CAMTA1: variants seen among roughly 807,000 people sequenced by gnomAD.
The protein encoded by CAMTA1 is calmodulin binding transcription activator 1.
CAMTA1 carries 27 observed loss-of-function variants against 170.9 expected under a neutral mutation model. The ratio of observed to expected loss-of-function variants is 0.16; its 90% CI spans 0.12 to 0.22. The LOEUF is 0.22. Ranked by LOEUF, CAMTA1 falls within the 10% of genes least tolerant of loss-of-function variation. The probability of loss-of-function intolerance (pLI) is 1.00; values close to 1 mark genes in which losing one functional copy is unlikely to be tolerated. For missense variants in CAMTA1, 1,619 were observed against 2,217.2 expected (o/e 0.73, Z 5.42); for synonymous variants, 833 against 891.5 (o/e 0.93, Z 1.17).
chr1:6,994,881 T>C lies in CAMTA1; in HGVS notation c.235-96423T>C, dbSNP rs117074266. Among the ~76,000 whole-genome samples the C allele has an allele frequency of 1.9e-3, 286 of 152,302 alleles. 9 individuals carry two copies. The East Asian group carries it at 0.05, about 27-fold the overall frequency. On this transcript the variant is annotated intron_variant, in intron 3 of 22. Coordinates refer to ENST00000303635, the MANE Select transcript of CAMTA1 (RefSeq NM_015215.4). ...CAGAGTTTCGCCATGTTGGTCAGGC[T>C]GGTCTAAAACTCCTGGGCACAAGTG...
intron 3 of CAMTA1, among the ~76,000 whole-genome samples, chr1:6,942,171 A>G (rs1165685180): frequency 6.6e-6 from 1 of 151,830 alleles, no homozygotes; most frequent in Non-Finnish European, 1.5e-5. Flanking sequence ...TAATTGGCCT[A>G]TACAATACAC....
At chr1:7,016,867 G>A (rs1412503672) in intron 3 of CAMTA1, among the ~76,000 whole-genome samples, 1 of 151,988 alleles carries the variant, frequency 6.6e-6, no homozygotes, top group Non-Finnish European at 1.5e-5. Flanking sequence ...AGAAAAAAAA[G>A]ATTCATTGCC....
intron 3 of CAMTA1, among the ~76,000 whole-genome samples, chr1:6,907,758 G>A (rs1316279428): frequency 6.6e-6 from 1 of 152,142 alleles, no homozygotes; most frequent in East Asian, 1.9e-4. Flanking sequence ...GTGGGCATGT[G>A]CCCCGTGACT....
intron 3 of CAMTA1, among the ~76,000 whole-genome samples, chr1:6,852,513 C>A (rs1334285847): frequency 6.6e-6 from 1 of 152,192 alleles, no homozygotes; most frequent in African/African-American, 2.4e-5. Context: ...TTCCTATAAC[C>A]CCCTCCTCAG....
intron 3 of CAMTA1, among the ~76,000 whole-genome samples, chr1:7,016,359 C>T (rs1700537463): frequency 6.6e-6 from 1 of 152,156 alleles, no homozygotes; most frequent in Admixed American, 6.5e-5. Flanking sequence ...GAGGCAAGGG[C>T]AGCATGTGGT....
chr1:7,482,469 G>A lies in CAMTA1; in HGVS notation c.510+14568G>A, dbSNP rs760219275. On this transcript the variant is annotated intron_variant, in intron 6 of 22. Coordinates refer to ENST00000303635, the MANE Select transcript of CAMTA1 (RefSeq NM_015215.4). This position sits in a 1 kb window ranked among gnomAD's most constrained non-coding sequence, Gnocchi z 4.2. ...TCGGTAAAGACACCAGAATGGATGCGCTCTCCACGCAGTGTGTCCCCACCT... is the reference window on the plus strand; with the variant it reads ...TCGGTAAAGACACCAGAATGGATGCACTCTCCACGCAGTGTGTCCCCACCT... 4.6e-5 allele frequency among the ~76,000 whole-genome samples: 7 copies of A among 152,154 alleles called. No homozygotes were observed. Among genetic ancestry groups the A allele is most frequent in the Non-Finnish European group, 7.4e-5 (5 of 68,018 alleles).
chr1:7,412,285 G>A (rs1031576565), intron 5 of CAMTA1, among the ~76,000 whole-genome samples: 6 of 151,880 alleles, frequency 4.0e-5, no homozygotes, highest in African/African-American at 1.5e-4. Flanking sequence ...GTAATGGGAT[G>A]GCTGGGTCAA....
intron 11 of CAMTA1, among the ~76,000 whole-genome samples, chr1:7,691,747 CGA>C (rs144597291): frequency 7.3e-5 from 11 of 150,940 alleles, no homozygotes; most frequent in Admixed American, 2.6e-4. Flanking sequence ...GACAAGAGAG[CGA>C]GAGAGAGAGA....
intron 5 of CAMTA1, among the ~76,000 whole-genome samples, chr1:7,422,170 G>GC (rs1465407625): frequency 3.3e-5 from 5 of 152,148 alleles, no homozygotes; most frequent in Non-Finnish European, 7.4e-5. Flanking sequence ...CTGTGCAGGG[G>GC]CCTGTGCTGT....
chr1:6,939,767 C>T (rs543393242), intron 3 of CAMTA1, among the ~76,000 whole-genome samples: 20 of 152,370 alleles, frequency 1.3e-4, no homozygotes, highest in Admixed American at 2.6e-4. Context: ...TTCGTCACGG[C>T]GCAGGGCTCT....
chr1:6,873,579 G>C (rs1669003936), intron 3 of CAMTA1, among the ~76,000 whole-genome samples: 1 of 152,216 alleles, frequency 6.6e-6, no homozygotes, highest in Non-Finnish European at 1.5e-5. Context: ...CTTTGAGGTA[G>C]ACAGTACTTT....
rs149948025 is a variant in CAMTA1 at position 6,934,136 on chromosome 1, C to A, written c.234+108926C>A. Among the ~76,000 whole-genome samples, 1,173 of 152,264 alleles carry A rather than the reference C, an allele frequency of 7.7e-3. 12 individuals are homozygous for A. Among genetic ancestry groups the A allele is most frequent in the Non-Finnish European group, 0.011 (729 of 68,012 alleles). ...TAGGACCATATGAGTGACTGAGGGG[C>A]CAGCGCCCGTGGTCGGCAGAAGGGG... On this transcript the variant is annotated intron_variant, in intron 3 of 22. Transcript: ENST00000303635. The surrounding 1 kb of genome is among the most constrained non-coding windows in gnomAD (Gnocchi z 4.5).
intron 5 of CAMTA1, among the ~76,000 whole-genome samples, chr1:7,404,550 A>G (rs2149221757): frequency 6.6e-6 from 1 of 152,286 alleles, no homozygotes; most frequent in Admixed American, 6.5e-5. Flanking sequence ...GTGGGGTGAC[A>G]CTGTCTATGT....
chr1:7,082,264 C>T (rs1026347841), intron 3 of CAMTA1, among the ~76,000 whole-genome samples: 3 of 152,042 alleles, frequency 2.0e-5, no homozygotes, highest in Non-Finnish European at 4.4e-5. Flanking sequence ...ATGGTGAAAC[C>T]CCATCTCTAC....
At position 7,111,169 on chromosome 1, in the gene CAMTA1, T is replaced by C. The variant is rs549930176; in HGVS notation, c.302+19798T>C. ...AGTCCCCCTTCTACTTCTAATGACC[T>C]TGTGATTACATTGAGCCCAGCTGGG... On this transcript the variant is annotated intron_variant, in intron 4 of 22. Coordinates refer to ENST00000303635, the MANE Select transcript of CAMTA1 (RefSeq NM_015215.4). Among the ~76,000 whole-genome samples, 37 of 152,318 alleles carry C rather than the reference T, an allele frequency of 2.4e-4. 1 individual carries two copies. In the South Asian group the frequency reaches 7.5e-3, roughly 31 times the overall value.
At chr1:7,469,041 GC>G (rs1345899971) in intron 6 of CAMTA1, among the ~76,000 whole-genome samples, 1 of 152,194 alleles carries the variant, frequency 6.6e-6, no homozygotes, top group East Asian at 1.9e-4. Flanking sequence ...GCTCTGCCCA[GC>G]CCCAGCCTCC....
chr1:7,248,202 G>C lies in CAMTA1; in HGVS notation c.303-1289G>C, dbSNP rs1666121016. Reference sequence around the variant, plus strand: ...AAGCCATCAACAGCCAATGTTCTGTGCTGCTTGTGAAATGGCCCATTGTTC... The same window carrying C: ...AAGCCATCAACAGCCAATGTTCTGTCCTGCTTGTGAAATGGCCCATTGTTC... On this transcript the variant is annotated intron_variant, in intron 4 of 22. Coordinates refer to ENST00000303635, the MANE Select transcript of CAMTA1 (RefSeq NM_015215.4). The surrounding 1 kb of genome is among the most constrained non-coding windows in gnomAD (Gnocchi z 4.0). 6.6e-6 allele frequency among the ~76,000 whole-genome samples: 1 copy of C among 152,136 alleles called. No individual in the cohort carries two copies. Among genetic ancestry groups the C allele is most frequent in the African/African-American group, 2.4e-5 (1 of 41,422 alleles).
intron 3 of CAMTA1, among the ~76,000 whole-genome samples, chr1:7,086,222 C>T (rs1331036494): frequency 2.0e-5 from 3 of 152,082 alleles, no homozygotes; most frequent in East Asian, 3.9e-4. Flanking sequence ...TCTTGACAGT[C>T]GAGTCATTCT....
At chr1:7,723,129 A>G (rs115202854) in intron 11 of CAMTA1, among the ~76,000 whole-genome samples, 1 of 152,330 alleles carries the variant, frequency 6.6e-6, no homozygotes, top group African/African-American at 2.4e-5. Context: ...GTTCATTTCT[A>G]AATACCGTTC....
Sources: allele counts gnomAD v4.1 joint callset (sites outside exome capture counted in the v4.1 genomes callset), GRCh38; gene constraint gnomAD v4.1.1; non-coding constraint Gnocchi (gnomAD v3.1); transcripts MANE v1.5; gene names NCBI Gene and HGNC (gene_info 2026-07-23, HGNC 2026-07-21).